Variants in CLYBL observed in about 807,000 individuals in gnomAD.
CLYBL encodes citramalyl-CoA lyase, mitochondrial.
Under a neutral mutation model 38.9 loss-of-function variants are expected in CLYBL, and 31 were observed. The ratio of observed to expected loss-of-function variants is 0.80; its 90% CI spans 0.60 to 1.08. The LOEUF (loss-of-function observed/expected upper bound fraction) is 1.08, where lower values mean the gene tolerates loss of function less well. Among genes scored for constraint, CLYBL ranks in the 50% least tolerant of loss-of-function variants. The pLI is 0.00. For missense variants in CLYBL, 434 were observed against 411.6 expected, an observed-to-expected ratio of 1.05 and a Z score of -0.47; for synonymous variants, 171 against 158.6, an observed-to-expected ratio of 1.08 and a Z score of -0.59.
intron 1 of CLYBL, among the ~76,000 whole-genome samples, chr13:99,731,482 A>G (rs1311862382): frequency 2.0e-5 from 3 of 147,442 alleles, no homozygotes; most frequent in Non-Finnish European, 4.4e-5. Context: ...AAAATAAATA[A>G]AAGACTGCAG....
intron 2 of CLYBL, among the ~76,000 whole-genome samples, chr13:99,827,492 CA>C (rs1298331246): frequency 6.6e-6 from 1 of 152,180 alleles, no homozygotes; most frequent in Non-Finnish European, 1.5e-5. Context: ...ATGCATGGCC[CA>C]TCATCCCCGC....
chr13:99,890,254 C>A (rs2052454711), intron 7 of CLYBL, among the ~76,000 whole-genome samples: 1 of 152,086 alleles, frequency 6.6e-6, no homozygotes, highest in Non-Finnish European at 1.5e-5. Flanking sequence ...CTTGGAAGAT[C>A]ACTTCTTTTT....
intron 1 of CLYBL, chr13:99,690,248 G>T (rs967815453): frequency 5.9e-5 from 9 of 152,132 alleles, no homozygotes; most frequent in Non-Finnish European, 1.0e-4. Flanking sequence ...AGTACCAGGC[G>T]GGCTCCTTCC....
At chr13:99,784,269 A>C (rs1335690196) in intron 2 of CLYBL, among the ~76,000 whole-genome samples, 2 of 152,090 alleles carry the variant, frequency 1.3e-5, no homozygotes, top group Non-Finnish European at 1.5e-5. Context: ...TGAAAGTCAA[A>C]GATATTACTA....
In CLYBL at chr13:99,641,781, C is replaced by T. The variant is rs375588655; in HGVS notation, c.62+35024C>T. On this transcript the variant is annotated intron_variant, in intron 1 of 8. Coordinates refer to ENST00000339105, the MANE Select transcript of CLYBL (RefSeq NM_206808.5). ...GAGCTGAGATCGCACCACTGCACTC[C>T]AGCCTGGGTGACAGAGCGAGACTCC... Among the ~76,000 whole-genome samples the T allele has an allele frequency of 7.9e-5, 12 of 152,164 alleles. No homozygotes were observed. The South Asian group carries it at 1.2e-3, about 16-fold the overall frequency.
intron 1 of CLYBL, among the ~76,000 whole-genome samples, chr13:99,676,866 G>T (rs1045876520): frequency 6.6e-6 from 1 of 150,834 alleles, no homozygotes; most frequent in Non-Finnish European, 1.5e-5. Context: ...CAGCCTCCCA[G>T]AGTGCTGGGA....
chr13:99,772,582 C>T (rs2049418563), intron 1 of CLYBL, among the ~76,000 whole-genome samples: 1 of 152,020 alleles, frequency 6.6e-6, no homozygotes, highest in South Asian at 2.1e-4. Context: ...CCTGTAGTCC[C>T]AACTACTGGG....
At chr13:99,777,724 C>A (rs1245204064) in intron 2 of CLYBL, among the ~76,000 whole-genome samples, 1 of 151,988 alleles carries the variant, frequency 6.6e-6, no homozygotes, top group Non-Finnish European at 1.5e-5. Flanking sequence ...AACTCCTGAC[C>A]TCAGGTGATC....
downstream of CLYBL, chr13:99,896,109 C>CCGGGCCAGGAGGAGTGTGG (rs1300224306): frequency 1.2e-4 from 18 of 151,038 alleles, no homozygotes; most frequent in Non-Finnish European, 2.1e-4. Flanking sequence ...GGGGCCGAGG[C>CCGGGCCAGGAGGAGTGTGG]CGGGCCAGGA....
At chr13:99,611,321 A>G (rs977223481) in intron 1 of CLYBL, among the ~76,000 whole-genome samples, 1 of 152,178 alleles carries the variant, frequency 6.6e-6, no homozygotes, top group African/African-American at 2.4e-5. Flanking sequence ...CTTTTTCTGT[A>G]GTTTTTGCTG....
chr13:99,791,759 C>T lies in CLYBL; in HGVS notation c.249+18749C>T, dbSNP rs538707984. 2.0e-5 allele frequency among the ~76,000 whole-genome samples: 3 copies of T among 152,272 alleles called. 1 individual carries two copies. Among genetic ancestry groups the T allele is most frequent in the African/African-American group, 7.2e-5 (3 of 41,554 alleles). ...ATCCATAAATAGCCATTGTCTTAAC[C>T]GTGCTCCCAAACAAGTGTCTGAGAG... is the stretch of plus-strand genomic sequence containing the variant. On this transcript the variant is annotated intron_variant, in intron 2 of 8. Coordinates refer to ENST00000339105, the MANE Select transcript of CLYBL (RefSeq NM_206808.5).
At chr13:99,630,207 G>T (rs1170130821) in intron 1 of CLYBL, among the ~76,000 whole-genome samples, 2 of 152,192 alleles carry the variant, frequency 1.3e-5, no homozygotes, top group South Asian at 4.1e-4. Flanking sequence ...TTGTTTAACT[G>T]TCATGTAAGC....
intron 1 of CLYBL, among the ~76,000 whole-genome samples, chr13:99,734,540 T>G (rs1028181303): frequency 6.6e-6 from 1 of 152,210 alleles, no homozygotes; most frequent in Non-Finnish European, 1.5e-5. Flanking sequence ...GAAATCTTTC[T>G]ACTTACTGAT....
intron 2 of CLYBL, among the ~76,000 whole-genome samples, chr13:99,778,781 T>A (rs1282963592): frequency 6.6e-6 from 1 of 152,162 alleles, no homozygotes; most frequent in Admixed American, 6.5e-5. Context: ...AATGCACCGA[T>A]TTCTGATGTA....
intron 7 of CLYBL, among the ~76,000 whole-genome samples, chr13:99,879,878 C>T (rs1161951470): frequency 2.6e-5 from 4 of 151,944 alleles, no homozygotes; most frequent in Non-Finnish European, 4.4e-5. Context: ...GTAGCAGTAA[C>T]CATGTGTGCC....
chr13:99,869,631 T>C lies in CLYBL; in HGVS notation c.803-1307T>C, dbSNP rs1202398224. Among the ~76,000 whole-genome samples, 3 of 152,144 alleles carry C rather than the reference T, an allele frequency of 2.0e-5. No homozygotes were observed. Among genetic ancestry groups the C allele is most frequent in the Admixed American group, 2.0e-4 (3 of 15,278 alleles). On this transcript the variant is annotated intron_variant, in intron 6 of 8. Transcript: ENST00000339105. The surrounding 1 kb of genome is among the most constrained non-coding windows in gnomAD (Gnocchi z 4.3). Reference sequence around the variant, plus strand: ...CCATTGGAAAGAAAAGATATTATTATATTTATCCACTTAAACTCTTTTACA... The same window carrying C: ...CCATTGGAAAGAAAAGATATTATTACATTTATCCACTTAAACTCTTTTACA...
intron 1 of CLYBL, among the ~76,000 whole-genome samples, chr13:99,631,331 ATG>A (rs10643696): frequency 0.011 from 1,557 of 145,140 alleles, 22 homozygotes; most frequent in African/African-American, 0.029. Flanking sequence ...CCAAATATTT[ATG>A]TGTGTGTGTG....
chr13:99,767,491 T>C (rs2049291867), intron 1 of CLYBL, among the ~76,000 whole-genome samples: 1 of 152,232 alleles, frequency 6.6e-6, no homozygotes, highest in Non-Finnish European at 1.5e-5. Context: ...TTCAAGTCTT[T>C]CACCAAATTT....
chr13:99,626,123 G>A (rs1814106795), intron 1 of CLYBL, among the ~76,000 whole-genome samples: 7 of 152,198 alleles, frequency 4.6e-5, no homozygotes, highest in Admixed American at 4.6e-4. Context: ...GGTGAAGCAG[G>A]GATCAGTGCA....
Sources: allele counts gnomAD v4.1 joint callset (sites outside exome capture counted in the v4.1 genomes callset), GRCh38; gene constraint gnomAD v4.1.1; non-coding constraint Gnocchi (gnomAD v3.1); transcripts MANE v1.5; gene names NCBI Gene and HGNC (gene_info 2026-07-23, HGNC 2026-07-21).